The following DMRT1 variants were observed in gnomAD, a reference collection of about 807,000 sequenced individuals.
The protein encoded by DMRT1 is doublesex- and mab-3-related transcription factor 1.
Under a neutral mutation model 32.3 loss-of-function variants are expected in DMRT1, and 7 were observed. The observed-to-expected ratio is 0.22, with a 90% CI of 0.12 to 0.41. The LOEUF (loss-of-function observed/expected upper bound fraction) is 0.41, where lower values mean the gene tolerates loss of function less well. Among genes scored for constraint, DMRT1 ranks in the 10% least tolerant of loss-of-function variants. The probability of loss-of-function intolerance (pLI) is 1.00; values close to 1 mark genes in which losing one functional copy is unlikely to be tolerated. For missense variants in DMRT1, 625 were observed against 500.5 expected (o/e 1.25, Z -2.37); for synonymous variants, 278 against 206.1 (o/e 1.35, Z -2.99).
intron 4 of DMRT1, among the ~76,000 whole-genome samples, chr9:935,609 C>T (rs1818861088): frequency 6.6e-6 from 1 of 152,206 alleles, no homozygotes; most frequent in African/African-American, 2.4e-5. Context: ...TCTATCAGCA[C>T]TTGCCTGAGG....
rs571397585 is a variant in DMRT1 at position 904,772 on chromosome 9, C to G, written c.822+10577C>G. ...CCAATCTCAGCAACATGGAGAAACC[C>G]TGTCTCTACTAAAAATACAAAATTA... is the stretch of plus-strand genomic sequence containing the variant. On this transcript the variant is annotated intron_variant, in intron 3 of 4. Transcript: ENST00000382276. Among the ~76,000 whole-genome samples the G allele has an allele frequency of 1.7e-4, 26 of 152,280 alleles. No homozygotes were observed. The East Asian group carries it at 5.0e-3, about 29-fold the overall frequency.
rs1012660224 is a variant in DMRT1, at chr9:957,462, G to A, written c.968-10523G>A. On this transcript the variant is annotated intron_variant, in intron 4 of 4. Transcript: ENST00000382276. ...CAGAAAAGCCTACACAGTCTGTGCT[G>A]TTATTTTCTTATTTCTCTTCAGCCC... is the stretch of plus-strand genomic sequence containing the variant. Among the ~76,000 whole-genome samples, 4 of 152,270 alleles carry A rather than the reference G, an allele frequency of 2.6e-5. No individual in the cohort carries two copies. The East Asian group carries it at 7.7e-4, about 29-fold the overall frequency.
chr9:882,276 T>C (rs966851359), intron 2 of DMRT1, among the ~76,000 whole-genome samples: 1 of 152,192 alleles, frequency 6.6e-6, no homozygotes, highest in African/African-American at 2.4e-5. Context: ...CCAAATTGCA[T>C]ACCACTGTGC....
chr9:880,119 G>C (rs780523347), intron 2 of DMRT1, among the ~76,000 whole-genome samples: 4 of 152,182 alleles, frequency 2.6e-5, no homozygotes, highest in Non-Finnish European at 5.9e-5. Flanking sequence ...CCAAATATCT[G>C]AGTTTCAGTA....
intron 4 of DMRT1, among the ~76,000 whole-genome samples, chr9:930,681 T>G (rs1440261895): frequency 6.6e-6 from 1 of 152,100 alleles, no homozygotes; most frequent in Non-Finnish European, 1.5e-5. Flanking sequence ...GTGCTGGGAT[T>G]ACAGACATGA....
intron 1 of DMRT1, among the ~76,000 whole-genome samples, chr9:844,663 G>T (rs1838822869): frequency 6.6e-6 from 1 of 151,204 alleles, no homozygotes; most frequent in Admixed American, 6.6e-5. Flanking sequence ...CCTGTGTTTG[G>T]ACTGTGGTTT....
At chr9:966,516 C>T (rs1048795590) in intron 4 of DMRT1, among the ~76,000 whole-genome samples, 1 of 152,144 alleles carries the variant, frequency 6.6e-6, no homozygotes, top group Non-Finnish European at 1.5e-5. Flanking sequence ...TTCAGATCAT[C>T]TCTTTCCTTC....
intron 4 of DMRT1, among the ~76,000 whole-genome samples, chr9:961,953 G>C (rs1365455263): frequency 6.6e-6 from 1 of 152,226 alleles, no homozygotes; most frequent in East Asian, 1.9e-4. Context: ...CCAGGTACCA[G>C]AGGAGTTTTC....
chr9:905,164 G>T (rs138837386), intron 3 of DMRT1, among the ~76,000 whole-genome samples: 203 of 152,218 alleles, frequency 1.3e-3, no homozygotes, highest in African/African-American at 4.8e-3. Flanking sequence ...CACAGTGAGT[G>T]CACCCCCTTA....
At chr9:883,364 CCAA>C (rs1285510709) in intron 2 of DMRT1, among the ~76,000 whole-genome samples, 10 of 152,082 alleles carry the variant, frequency 6.6e-5, no homozygotes, top group African/African-American at 2.4e-4. Context: ...CACTAGTGAG[CCAA>C]CATCAGGGGA....
chr9:908,667 C>CT (rs60843148), intron 3 of DMRT1, among the ~76,000 whole-genome samples: 53 of 150,586 alleles, frequency 3.5e-4, no homozygotes, highest in Admixed American at 1.7e-3. Context: ...TCCTTTGGTT[C>CT]TTTTTTTTTG....
At chr9:873,410 A>G (rs1816359553) in intron 2 of DMRT1, among the ~76,000 whole-genome samples, 1 of 151,068 alleles carries the variant, frequency 6.6e-6, no homozygotes, top group East Asian at 1.9e-4. Flanking sequence ...GGTTCAAGTG[A>G]TTCTCCTGCC....
intron 3 of DMRT1, among the ~76,000 whole-genome samples, chr9:913,569 G>C (rs1408478601): frequency 6.6e-6 from 1 of 151,672 alleles, no homozygotes; most frequent in African/African-American, 2.4e-5. Context: ...AGTTCAGCTG[G>C]AAACTGGATG....
Position 907,829 on chromosome 9 carries a change from A to ATGTG in DMRT1, c.823-8908_823-8905dup, listed in dbSNP as rs3084903. 5.1e-3 allele frequency among the ~76,000 whole-genome samples: 757 copies of ATGTG among 149,520 alleles called. 7 individuals are homozygous for ATGTG. Among genetic ancestry groups the ATGTG allele is most frequent in the African/African-American group, 0.014 (559 of 40,646 alleles). ...TTCCATACAGTTCTCTAAAATATATATGTGTGTGTGTGTGTGTGTGTGTGT... is the reference window on the plus strand; with the variant it reads ...TTCCATACAGTTCTCTAAAATATATATGTGTGTGTGTGTGTGTGTGTGTGTGTGT... On this transcript the variant is annotated intron_variant, in intron 3 of 4. Transcript: ENST00000382276.
intron 3 of DMRT1, among the ~76,000 whole-genome samples, chr9:900,540 G>C (rs1306501223): frequency 2.0e-5 from 3 of 152,116 alleles, no homozygotes; most frequent in African/African-American, 7.2e-5. Context: ...GGCGCAGTGA[G>C]GGTGGAGCCA....
intron 3 of DMRT1, among the ~76,000 whole-genome samples, chr9:905,414 T>G (rs1160714166): frequency 6.6e-6 from 1 of 151,938 alleles, no homozygotes; most frequent in African/African-American, 2.4e-5. Context: ...CTGGAGTATT[T>G]GTATAAAACC....
At chr9:882,595 A>G (rs909041035) in intron 2 of DMRT1, among the ~76,000 whole-genome samples, 1 of 151,970 alleles carries the variant, frequency 6.6e-6, no homozygotes, top group Non-Finnish European at 1.5e-5. Context: ...ATGGGCTTTG[A>G]CACTCTGGGC....
At chr9:883,376 G>A (rs747913704) in intron 2 of DMRT1, among the ~76,000 whole-genome samples, 1 of 152,098 alleles carries the variant, frequency 6.6e-6, no homozygotes, top group Non-Finnish European at 1.5e-5. Flanking sequence ...AACATCAGGG[G>A]AACCTGTACT....
chr9:879,939 A>C (rs374963865), intron 2 of DMRT1, among the ~76,000 whole-genome samples: 2 of 152,204 alleles, frequency 1.3e-5, no homozygotes, highest in East Asian at 1.9e-4. Context: ...ACTACTGCTG[A>C]TCTTGTTAGA....
Sources: gnomAD v4.1 joint callset for allele counts (sites outside exome capture counted in the v4.1 genomes callset) on GRCh38, gnomAD v4.1.1 for gene constraint, MANE v1.5 for transcripts, NCBI Gene and HGNC (gene_info 2026-07-23, HGNC 2026-07-21) for gene names.